The following F7 variants were observed in gnomAD, a reference collection of about 807,000 sequenced individuals.
The protein encoded by F7 is FVII coagulation protein.
In F7, 38 loss-of-function variants were observed where a neutral mutation model predicts 47.5. The ratio of observed to expected loss-of-function variants is 0.80; its 90% CI spans 0.62 to 1.05. F7 has a LOEUF of 1.05. Among genes scored for constraint, F7 ranks in the 50% least tolerant of loss-of-function variants. The pLI is 0.00. For synonymous variants in F7, 244 were observed against 258.5 expected, an observed-to-expected ratio of 0.94 and a Z score of 0.54; for missense variants, 575 against 605.4, an observed-to-expected ratio of 0.95 and a Z score of 0.53.
chr13:113,118,898 G>T lies in F7; in HGVS notation c.1225G>T (p.Val409Leu). 6.2e-7 allele frequency: 1 copy of T among 1,612,472 alleles called. No individual in the cohort carries two copies. Among genetic ancestry groups the T allele is most frequent in the Middle Eastern group, 1.6e-4 (1 of 6,062 alleles). The change falls in exon 8 of 8, where the codon GTG (valine) becomes TTG (leucine). Residue 409 changes from valine (V) to leucine (L), a missense_variant. Val to Leu is a conservative substitution (Grantham distance 32). Coordinates refer to ENST00000346342, the MANE Select transcript of F7 (RefSeq NM_019616.4). ...CAGCTGGGGCCAGGGCTGCGCAACCGTGGGCCACTTTGGGGTGTACACCAG... is the reference window on the plus strand; with the variant it reads ...CAGCTGGGGCCAGGGCTGCGCAACCTTGGGCCACTTTGGGGTGTACACCAG... ...IVSWGQGCAT[V>L]GHFGVYTRVS...
chr13:113,111,285 A>G (rs2036088924), intron 2 of F7, among the ~76,000 whole-genome samples: 1 of 152,120 alleles, frequency 6.6e-6, no homozygotes, highest in Admixed American at 6.6e-5. Context: ...TCGGGGAGAA[A>G]CAACACTTAG....
chr13:113,110,663 G>A, intron 1 of F7, 27 bp from the exon 2 acceptor site: 1 of 1,547,620 alleles, frequency 6.5e-7, no homozygotes, highest in Non-Finnish European at 8.7e-7. Flanking sequence ...CACGCGGTGG[G>A]CGCTTCACGG....
In F7 at chr13:113,110,555, C is replaced by T. The variant is rs1322280113; in HGVS notation, c.65-135C>T. 3.2e-6 allele frequency: 4 copies of T among 1,242,358 alleles called. No homozygotes were observed. The East Asian group carries it at 1.0e-4, about 32-fold the overall frequency. The allele number at this position is 1,242,358 out of a possible 1,614,324, so 77.0% of individuals were successfully genotyped here. On this transcript the variant is annotated intron_variant, in intron 1 of 7. Coordinates refer to ENST00000346342, the MANE Select transcript of F7 (RefSeq NM_019616.4). The stretch of plus-strand genomic sequence containing the variant: ...ACGGCAGGGAGGACACCCAGCCAGG[C>T]CCGCGAGCAGCGCCGCTCCCCTCCT...
chr13:113,119,507 G>T lies in F7; in HGVS notation c.*499G>T. On this transcript the variant is annotated 3_prime_UTR_variant, in exon 8 of 8. Coordinates refer to ENST00000346342, the MANE Select transcript of F7 (RefSeq NM_019616.4). ...CACACACAGAGATATGCACACACACGGATGCACACACAGATGGTCACACAG... is the reference window on the plus strand; with the variant it reads ...CACACACAGAGATATGCACACACACTGATGCACACACAGATGGTCACACAG... 1 of 184,644 alleles carries T rather than the reference G, an allele frequency of 5.4e-6. No individual in the cohort carries two copies. The highest frequency in any genetic ancestry group is 1.1e-5 in the Non-Finnish European group (1 of 88,548). 11.4% of individuals were successfully genotyped at this position (184,644 alleles called of 1,614,324 possible). A position where few individuals can be genotyped will look rare whatever the true frequency, so the allele number is the denominator to read the frequency against.
chr13:113,117,738 G>C, intron 7 of F7, 142 bp downstream of exon 7: 1 of 1,495,408 alleles, frequency 6.7e-7, no homozygotes, highest in Non-Finnish European at 9.0e-7. Context: ...TCCGACCGCG[G>C]TGCTGGGTGG....
intron 1 of F7, among the ~76,000 whole-genome samples, chr13:113,109,979 A>G (rs1277645967): frequency 6.6e-6 from 1 of 152,218 alleles, no homozygotes; most frequent in Non-Finnish European, 1.5e-5. Context: ...CTGTTTGTCC[A>G]CAAGTAACCG....
At chr13:113,116,684 G>C in intron 5 of F7, 82 bp from the exon 6 acceptor site, 2 of 1,147,948 alleles carry the variant, frequency 1.7e-6, no homozygotes, top group South Asian at 1.2e-5. Flanking sequence ...GCCTCTCAGA[G>C]GATGGGTGTT....
At chr13:113,109,612 G>T (rs1475931) in intron 1 of F7, among the ~76,000 whole-genome samples, 44,249 of 152,016 alleles carry the variant, frequency 0.29, 6,920 homozygotes, top group East Asian at 0.44. Flanking sequence ...CTGAGGCCTC[G>T]TCCTCCCAGC....
Position 113,115,670 on chromosome 13 carries a change from C to T in F7, c.375C>T (p.Asp125=). 5.0e-6 allele frequency: 8 copies of T among 1,613,042 alleles called. No homozygotes were observed. The highest frequency in any genetic ancestry group is 6.8e-6 in the Non-Finnish European group (8 of 1,179,936). Residue 125 remains aspartate (D), a synonymous_variant, in exon 5 of 8, where the codon GAC becomes GAT. Coordinates refer to ENST00000346342, the MANE Select transcript of F7 (RefSeq NM_019616.4). ...EGRNCETHKD[D]QLICVNENGG... ...CCTTCCTGTCCCCAGACAAGGATGA[C>T]CAGCTGATCTGTGTGAACGAGAACG...
rs1355446677 is a variant in F7 at position 113,118,459 on chromosome 13, G to A, written c.786G>A (p.Arg262=). ...ACGACGGGGATGAGCAGAGCCGGCG[G>A]GTGGCGCAGGTCATCATCCCCAGCA... The part of the protein sequence containing the change: ...SEHDGDEQSR[R]VAQVIIPSTY... Residue 262 remains arginine, a synonymous_variant, in exon 8 of 8, where the codon CGG becomes CGA. Coordinates refer to ENST00000346342, the MANE Select transcript of F7 (RefSeq NM_019616.4). 1 of 1,606,666 alleles carries A rather than the reference G, an allele frequency of 6.2e-7. No homozygotes were observed. The highest frequency in any genetic ancestry group is 2.2e-5 in the East Asian group (1 of 44,786).
At chr13:113,107,956 C>T (rs1387898711) in intron 1 of F7, among the ~76,000 whole-genome samples, 21 of 37,752 alleles carry the variant, frequency 5.6e-4, no homozygotes, top group East Asian at 1.8e-3. Context: ...GTCCCGGGGG[C>T]GTGGGTGTCC....
rs988697422 is a variant in F7, at chr13:113,117,738, G to A, written c.739+142G>A. On this transcript the variant is annotated intron_variant, in intron 7 of 7. Coordinates refer to ENST00000346342, the MANE Select transcript of F7 (RefSeq NM_019616.4). ...TGCCACTCTCCCCTGTCCGACCGCGGTGCTGGGTGGGTGCCACTCTCCGCT... is the reference window on the plus strand; with the variant it reads ...TGCCACTCTCCCCTGTCCGACCGCGATGCTGGGTGGGTGCCACTCTCCGCT... 9.4e-6 allele frequency: 14 copies of A among 1,495,300 alleles called. No homozygotes were observed. The East Asian group carries it at 2.8e-4, about 30-fold the overall frequency. 92.6% of individuals were successfully genotyped at this position (1,495,300 alleles called of 1,614,324 possible).
At chr13:113,107,017 GC>G (rs766384508) in intron 1 of F7, 3 of 1,280,958 alleles carry the variant, frequency 2.3e-6, no homozygotes, top group Non-Finnish European at 3.3e-6. Flanking sequence ...CTACTGCAGT[GC>G]CCCCCAAGGA....
intron 1 of F7, among the ~76,000 whole-genome samples, chr13:113,108,448 A>G (rs1242148856): frequency 6.1e-5 from 1 of 16,300 alleles, no homozygotes; most frequent in African/African-American, 2.9e-4. Context: ...GTGTCCCGGG[A>G]GTGTGGGTGT....
intron 4 of F7, among the ~76,000 whole-genome samples, chr13:113,115,383 G>A (rs2036175687): frequency 1.3e-5 from 2 of 152,148 alleles, no homozygotes; most frequent in South Asian, 2.1e-4. Context: ...TCACCCTGGA[G>A]GCCACTGCCC....
intron 1 of F7, among the ~76,000 whole-genome samples, chr13:113,109,611 C>A (rs532600512): frequency 6.6e-6 from 1 of 152,308 alleles, no homozygotes; most frequent in Non-Finnish European, 1.5e-5. Flanking sequence ...CCTGAGGCCT[C>A]GTCCTCCCAG....
rs2142232298 is a variant in F7 at position 113,118,448 on chromosome 13, C to T, written c.775C>T (p.Gln259Ter). ...HDLSEHDGDE[Q>*]SRRVAQVIIP... ...CCTCAGCGAGCACGACGGGGATGAG[C>T]AGAGCCGGCGGGTGGCGCAGGTCAT... The change falls in exon 8 of 8, where the codon CAG becomes TAG. Residue 259 changes from glutamine to a stop codon, truncating the protein, a stop_gained. Transcript: ENST00000346342. LOFTEE classifies it high-confidence loss of function. The T allele has an allele frequency of 1.9e-6, 3 of 1,604,844 alleles. No individual in the cohort carries two copies. The highest frequency in any genetic ancestry group is 2.5e-6 in the Non-Finnish European group (3 of 1,176,758).
chr13:113,111,090 C>T (rs2036084915), intron 2 of F7, among the ~76,000 whole-genome samples: 1 of 152,222 alleles, frequency 6.6e-6, no homozygotes. Flanking sequence ...TGCCGGTTTT[C>T]ACATCAGAAA....
chr13:113,119,081 C>A lies in F7; in HGVS notation c.*73C>A. On this transcript the variant is annotated 3_prime_UTR_variant, in exon 8 of 8. Transcript: ENST00000346342. ...GTCCTGGCACCAAATCCCATATATT[C>A]TTCTGCAGTTAATGGGGTAGAGGAG... The A allele has an allele frequency of 2.4e-6, 3 of 1,270,530 alleles. No homozygotes were observed. The highest frequency in any genetic ancestry group is 2.4e-5 in the South Asian group (2 of 82,006). The allele number at this position is 1,270,530 out of a possible 1,614,324, so 78.7% of individuals were successfully genotyped here.
Sources: allele counts gnomAD v4.1 joint callset (sites outside exome capture counted in the v4.1 genomes callset), GRCh38; gene constraint gnomAD v4.1.1; transcripts MANE v1.5; gene names NCBI Gene and HGNC (gene_info 2026-07-23, HGNC 2026-07-21).